TBC1D5: variants seen among roughly 807,000 people sequenced by gnomAD.
TBC1D5 encodes TBC1 domain family member 5.
Under a neutral mutation model 100.3 loss-of-function variants are expected in TBC1D5, and 75 were observed. The ratio of observed to expected loss-of-function variants is 0.75; its 90% CI spans 0.62 to 0.91. TBC1D5 has a LOEUF of 0.91. Ranked by LOEUF, TBC1D5 falls within the 40% of genes least tolerant of loss-of-function variation. The probability of loss-of-function intolerance (pLI) is 0.00; values close to 1 mark genes in which losing one functional copy is unlikely to be tolerated. For missense variants in TBC1D5, 910 were observed against 942.4 expected (o/e 0.97, Z 0.45); for synonymous variants, 323 against 325.6 (o/e 0.99, Z 0.09).
chr3:17,399,402 A>G (rs1444853273), intron 8 of TBC1D5, among the ~76,000 whole-genome samples: 1 of 152,140 alleles, frequency 6.6e-6, no homozygotes, highest in Non-Finnish European at 1.5e-5. Flanking sequence ...AACGGAACAG[A>G]AACTTATGAA....
At chr3:17,558,511 CT>C (rs558434147) in intron 2 of TBC1D5, among the ~76,000 whole-genome samples, 17 of 151,976 alleles carry the variant, frequency 1.1e-4, no homozygotes, top group Non-Finnish European at 2.2e-4. Flanking sequence ...TGATCAAAAA[CT>C]AATAGTCATG....
chr3:17,506,601 G>T (rs1239014641), intron 3 of TBC1D5, among the ~76,000 whole-genome samples: 1 of 152,080 alleles, frequency 6.6e-6, no homozygotes, highest in African/African-American at 2.4e-5. Flanking sequence ...AACATTTGGG[G>T]TAAATGAATT....
At chr3:17,202,834 G>A (rs1301796063) in intron 18 of TBC1D5, among the ~76,000 whole-genome samples, 1 of 152,250 alleles carries the variant, frequency 6.6e-6, no homozygotes, top group African/African-American at 2.4e-5. Flanking sequence ...CTAGATTTCA[G>A]AGGATGTATG....
intron 1 of TBC1D5, among the ~76,000 whole-genome samples, chr3:17,668,278 GC>G (rs1269305005): frequency 1.3e-5 from 2 of 151,082 alleles, no homozygotes; most frequent in Admixed American, 6.6e-5. Context: ...TGGGGGGGTG[GC>G]TACAGGGAGG....
At chr3:17,267,746 C>T (rs1343212105) in intron 15 of TBC1D5, among the ~76,000 whole-genome samples, 4 of 152,106 alleles carry the variant, frequency 2.6e-5, no homozygotes. Flanking sequence ...TCTTTCAACA[C>T]CTGCTTTTGG....
At chr3:17,672,929 G>GA (rs1413110110) in intron 1 of TBC1D5, among the ~76,000 whole-genome samples, 2 of 152,138 alleles carry the variant, frequency 1.3e-5, no homozygotes, top group South Asian at 2.1e-4. Flanking sequence ...TGTCAAAAGA[G>GA]AAACAGGTAT....
At chr3:17,368,877 T>G (rs902512456) in intron 13 of TBC1D5, among the ~76,000 whole-genome samples, 1 of 152,112 alleles carries the variant, frequency 6.6e-6, no homozygotes, top group Non-Finnish European at 1.5e-5. Context: ...AAAAAGAGAT[T>G]ATTTTACATC....
intron 2 of TBC1D5, among the ~76,000 whole-genome samples, chr3:17,555,387 C>T (rs1286865048): frequency 2.0e-5 from 3 of 152,158 alleles, no homozygotes; most frequent in Admixed American, 2.0e-4. Flanking sequence ...GAGGTATACA[C>T]TGGTTCTGTC....
chr3:17,525,498 T>C (rs1488828702), intron 2 of TBC1D5, among the ~76,000 whole-genome samples: 1 of 152,200 alleles, frequency 6.6e-6, no homozygotes, highest in South Asian at 2.1e-4. Flanking sequence ...TTCCTACAAT[T>C]GTGAAGCAAA....
At chr3:17,193,998 G>T (rs2596656) in intron 18 of TBC1D5, among the ~76,000 whole-genome samples, 1 of 151,820 alleles carries the variant, frequency 6.6e-6, no homozygotes, top group Non-Finnish European at 1.5e-5. Flanking sequence ...CAATTTTTTC[G>T]ATCTTTAATA....
At chr3:17,379,576 G>A (rs576936525) in intron 9 of TBC1D5, among the ~76,000 whole-genome samples, 1 of 152,160 alleles carries the variant, frequency 6.6e-6, no homozygotes, top group Admixed American at 6.6e-5. Context: ...CTTCGATGGA[G>A]CTTGTGGTCT....
chr3:17,666,517 T>G (rs2067269710), intron 1 of TBC1D5, among the ~76,000 whole-genome samples: 1 of 152,198 alleles, frequency 6.6e-6, no homozygotes, highest in Non-Finnish European at 1.5e-5. Context: ...CATTAATTTT[T>G]GCAACATTTT....
intron 4 of TBC1D5, among the ~76,000 whole-genome samples, chr3:17,411,248 AT>A (rs2093916602): frequency 6.6e-6 from 1 of 151,802 alleles, no homozygotes; most frequent in African/African-American, 2.4e-5. Flanking sequence ...AGGTTTATAT[AT>A]TTTTTAGATA....
intron 1 of TBC1D5, among the ~76,000 whole-genome samples, chr3:17,649,055 T>C (rs2065280704): frequency 2.0e-5 from 3 of 151,960 alleles, no homozygotes. Flanking sequence ...CTATTCACAA[T>C]AGGAAACACA....
In TBC1D5 at chr3:17,563,247, A is replaced by C. The variant is rs113835533; in HGVS notation, c.-35-54642T>G. Reference sequence around the variant, plus strand: ...CGTCAAATTTGAGGATCCATCATGGAATCCAAGAAAAGCGACATCAAATAG... The same window carrying C: ...CGTCAAATTTGAGGATCCATCATGGCATCCAAGAAAAGCGACATCAAATAG... On this transcript the variant is annotated intron_variant, in intron 2 of 21. Coordinates refer to ENST00000253692, the Ensembl canonical transcript of TBC1D5. Among the ~76,000 whole-genome samples, 168 of 152,348 alleles carry C rather than the reference A, an allele frequency of 1.1e-3. 1 individual carries two copies. The highest frequency in any genetic ancestry group is 3.8e-3 in the African/African-American group (159 of 41,588).
intron 2 of TBC1D5, among the ~76,000 whole-genome samples, chr3:17,549,286 G>A (rs2096450816): frequency 6.6e-6 from 1 of 152,162 alleles, no homozygotes; most frequent in Non-Finnish European, 1.5e-5. Context: ...GGGCAAGAGA[G>A]CGACACTCCA....
At chr3:17,530,952 T>C (rs538858949) in intron 2 of TBC1D5, among the ~76,000 whole-genome samples, 27 of 152,270 alleles carry the variant, frequency 1.8e-4, no homozygotes, top group South Asian at 8.3e-4. Context: ...CTCACCACTC[T>C]TATTCAACAT....
At chr3:17,415,893 G>A (rs1430703114) in intron 4 of TBC1D5, among the ~76,000 whole-genome samples, 1 of 151,990 alleles carries the variant, frequency 6.6e-6, no homozygotes, top group Non-Finnish European at 1.5e-5. Flanking sequence ...GCAATAACTG[G>A]CAAGGGCTTG....
At chr3:17,380,147 G>A (rs2092889003) in intron 9 of TBC1D5, among the ~76,000 whole-genome samples, 1 of 150,794 alleles carries the variant, frequency 6.6e-6, no homozygotes, top group Non-Finnish European at 1.5e-5. Flanking sequence ...ACTACATATT[G>A]ACTGAATGAA....
Sources: gnomAD v4.1 joint callset for allele counts (sites outside exome capture counted in the v4.1 genomes callset) on GRCh38, gnomAD v4.1.1 for gene constraint, MANE v1.5 for transcripts, NCBI Gene and HGNC (gene_info 2026-07-23, HGNC 2026-07-21) for gene names.